Variants in LAMA2 observed in about 807,000 individuals in gnomAD.
LAMA2 encodes the protein laminin subunit alpha-2.
A neutral mutation model predicts 364.8 loss-of-function variants in LAMA2; 269 were observed. The observed-to-expected ratio is 0.74, with a 90% CI of 0.67 to 0.82. The LOEUF (loss-of-function observed/expected upper bound fraction) is 0.82. Ranked by LOEUF, LAMA2 falls within the 40% of genes least tolerant of loss-of-function variation. The probability of loss-of-function intolerance (pLI) is 0.00; values close to 1 mark genes in which losing one functional copy is unlikely to be tolerated. For synonymous variants in LAMA2, 1,379 were observed against 1,370.6 expected, an observed-to-expected ratio of 1.01 and a Z score of -0.14; for missense variants, 3,807 against 3,873.2, an observed-to-expected ratio of 0.98 and a Z score of 0.45.
At chr6:128,967,410 T>C (rs1205480982) in intron 1 of LAMA2, among the ~76,000 whole-genome samples, 1 of 152,196 alleles carries the variant, frequency 6.6e-6, no homozygotes, top group Admixed American at 6.5e-5. Flanking sequence ...GAGCAAAATA[T>C]TTGTGCCAGG....
At chr6:129,450,425 T>C (rs946728648) in intron 45 of LAMA2, among the ~76,000 whole-genome samples, 1 of 152,004 alleles carries the variant, frequency 6.6e-6, no homozygotes, top group Non-Finnish European at 1.5e-5. Flanking sequence ...GTTCAAGCAA[T>C]TCTCCTGACT....
chr6:128,992,928 C>G (rs949009253), intron 1 of LAMA2, among the ~76,000 whole-genome samples: 10 of 152,278 alleles, frequency 6.6e-5, no homozygotes, highest in African/African-American at 2.4e-4. Context: ...TCTCAGTTAT[C>G]TACAGGGCTA....
chr6:129,383,158 C>T lies in LAMA2; in HGVS notation c.4996C>T (p.Gln1666Ter), dbSNP rs2114654019. 2 of 1,613,878 alleles carry T rather than the reference C, an allele frequency of 1.2e-6. No homozygotes were observed. The highest frequency in any genetic ancestry group is 1.7e-6 in the Non-Finnish European group (2 of 1,179,922). The change falls in exon 35 of 65, where the codon CAG becomes TAG. Residue 1666 changes from glutamine (Q) to a stop codon, truncating the protein, a stop_gained. Coordinates refer to ENST00000421865, the MANE Select transcript of LAMA2 (RefSeq NM_000426.4). LOFTEE classifies it high-confidence loss of function. The part of the protein sequence containing the change: ...KVTADGEQTG[Q>*]DAERTNTRAK... The stretch of plus-strand genomic sequence containing the variant: ...GACAGCAGATGGCGAGCAGACCGGA[C>T]AGGATGCTGAGAGGACCAACACAAG...
At chr6:129,339,636 A>G (rs1250696138) in intron 29 of LAMA2, among the ~76,000 whole-genome samples, 2 of 152,190 alleles carry the variant, frequency 1.3e-5, no homozygotes, top group African/African-American at 4.8e-5. Context: ...TTGAACAGAA[A>G]GGGAAGGAAG....
Position 129,454,292 on chromosome 6 carries a change from A to G in LAMA2, c.6707+4A>G. ...GGTACCGTATCGTAGCATCAAGGTA[A>G]CCAACTTAATAAAGATTAAGATAAT... On this transcript the variant is annotated splice_donor_region_variant and intron_variant, in intron 47 of 64. Coordinates refer to ENST00000421865, the MANE Select transcript of LAMA2 (RefSeq NM_000426.4). 6.2e-7 allele frequency: 1 copy of G among 1,608,550 alleles called. No individual in the cohort carries two copies. The highest frequency in any genetic ancestry group is 8.5e-7 in the Non-Finnish European group (1 of 1,175,492).
chr6:129,289,033 C>T (rs1789497557), intron 19 of LAMA2, among the ~76,000 whole-genome samples: 1 of 152,090 alleles, frequency 6.6e-6, no homozygotes, highest in African/African-American at 2.4e-5. Context: ...AGTAGGGTAC[C>T]CTATTTCATT....
chr6:129,247,599 A>G (rs1785847350), intron 12 of LAMA2, among the ~76,000 whole-genome samples: 1 of 152,236 alleles, frequency 6.6e-6, no homozygotes, highest in Non-Finnish European at 1.5e-5. Flanking sequence ...GGAAAAAAAC[A>G]TCTAGTAACA....
At chr6:128,920,392 G>A (rs901988953) in intron 1 of LAMA2, among the ~76,000 whole-genome samples, 6 of 151,798 alleles carry the variant, frequency 4.0e-5, no homozygotes, top group South Asian at 2.1e-4. Flanking sequence ...TCTCGACCTC[G>A]CAATTCGCCC....
At chr6:128,987,580 T>C (rs1783345330) in intron 1 of LAMA2, among the ~76,000 whole-genome samples, 1 of 152,206 alleles carries the variant, frequency 6.6e-6, no homozygotes, top group South Asian at 2.1e-4. Context: ...TCTGTTTCCA[T>C]AGGTTCTCCA....
intron 12 of LAMA2, among the ~76,000 whole-genome samples, chr6:129,238,668 G>A (rs1398874933): frequency 6.6e-6 from 1 of 151,964 alleles, no homozygotes; most frequent in African/African-American, 2.4e-5. Flanking sequence ...AATCAAGGAT[G>A]CACTATAGTA....
At chr6:129,293,691 GGTCCCAGGCTGAGCTGCA>G (rs1789881407) in intron 20 of LAMA2, among the ~76,000 whole-genome samples, 1 of 15,044 alleles carries the variant, frequency 6.6e-5, no homozygotes, top group Non-Finnish European at 2.9e-4. Context: ...GGGAAGAAGA[GGTCCCAGGCTGAGCTGCA>G]GAAGAGTAGG....
At chr6:129,427,926 A>T in intron 41 of LAMA2, 72 bp downstream of exon 41, 1 of 918,962 alleles carries the variant, frequency 1.1e-6, no homozygotes, top group Non-Finnish European at 1.8e-6. Context: ...CTATCACACT[A>T]TTGGAGAATG....
chr6:129,184,949 G>A (rs1471713907), intron 10 of LAMA2, among the ~76,000 whole-genome samples: 2 of 151,824 alleles, frequency 1.3e-5, no homozygotes, highest in African/African-American at 4.8e-5. Flanking sequence ...TGTGTTTTAG[G>A]AGTAAGTCCT....
At chr6:129,139,532 T>C (rs1178793942) in intron 4 of LAMA2, among the ~76,000 whole-genome samples, 1 of 152,152 alleles carries the variant, frequency 6.6e-6, no homozygotes. Context: ...TACTATGCCA[T>C]TTCATTTCAA....
intron 3 of LAMA2, among the ~76,000 whole-genome samples, chr6:129,064,433 A>G (rs985559453): frequency 7.9e-5 from 12 of 151,844 alleles, no homozygotes; most frequent in African/African-American, 2.9e-4. Context: ...AGAAAGAAGG[A>G]AATAATAAAG....
rs556553410 is a variant in LAMA2 at position 129,365,115 on chromosome 6, C to T, written c.4718-1104C>T. Among the ~76,000 whole-genome samples, 5 of 152,216 alleles carry T rather than the reference C, an allele frequency of 3.3e-5. No homozygotes were observed. The South Asian group carries it at 1.0e-3, about 32-fold the overall frequency. On this transcript the variant is annotated intron_variant, in intron 32 of 64. Coordinates refer to ENST00000421865, the MANE Select transcript of LAMA2 (RefSeq NM_000426.4). Reference sequence around the variant, plus strand: ...ATGAGATTTGGATGGGGACACAGATCCAAACCATATCTGGTAGAATATTAG... The same window carrying T: ...ATGAGATTTGGATGGGGACACAGATTCAAACCATATCTGGTAGAATATTAG...
intron 62 of LAMA2, among the ~76,000 whole-genome samples, chr6:129,508,485 T>A (rs548424266): frequency 1.3e-5 from 2 of 152,214 alleles, no homozygotes; most frequent in African/African-American, 4.8e-5. Context: ...ACTATTTTTG[T>A]ATCATTAACC....
intron 34 of LAMA2, among the ~76,000 whole-genome samples, chr6:129,379,657 C>T (rs1253594231): frequency 6.6e-6 from 1 of 152,164 alleles, no homozygotes; most frequent in Non-Finnish European, 1.5e-5. Context: ...CAGCGTGGAA[C>T]TTCGTGTGTA....
rs534265442 is a variant in LAMA2 at position 128,994,374 on chromosome 6, C to T, written c.113-55544C>T. On this transcript the variant is annotated intron_variant, in intron 1 of 64. Coordinates refer to ENST00000421865, the MANE Select transcript of LAMA2 (RefSeq NM_000426.4). ...GGGGGAACTTTTGATCTCCATCATA[C>T]CATATACACACCTATGTGTGGGAAT... Among the ~76,000 whole-genome samples, 11 of 152,270 alleles carry T rather than the reference C, an allele frequency of 7.2e-5. No individual in the cohort carries two copies. The South Asian group carries it at 2.3e-3, about 32-fold the overall frequency.
Sources: gnomAD v4.1 joint callset for allele counts (sites outside exome capture counted in the v4.1 genomes callset) on GRCh38, gnomAD v4.1.1 for gene constraint, MANE v1.5 for transcripts, NCBI Gene and HGNC (gene_info 2026-07-23, HGNC 2026-07-21) for gene names.